The following PRKCE variants were observed in gnomAD, a reference collection of about 807,000 sequenced individuals.
PRKCE encodes protein kinase C epsilon type.
PRKCE carries 16 observed loss-of-function variants against 85.4 expected under a neutral mutation model. The observed-to-expected ratio is 0.19, with a 90% CI of 0.13 to 0.28. The LOEUF (loss-of-function observed/expected upper bound fraction) is 0.28. PRKCE is among the 10% of genes least tolerant of loss of function. PRKCE has a pLI of 1.00. For synonymous variants in PRKCE, 388 were observed against 371.5 expected (o/e 1.04, Z -0.51); for missense variants, 573 against 975.2 (o/e 0.59, Z 5.49).
intron 2 of PRKCE, among the ~76,000 whole-genome samples, chr2:45,958,131 G>T (rs1176705272): frequency 7.3e-6 from 1 of 137,564 alleles, no homozygotes. Context: ...TCAGAATTTA[G>T]TTCATTTAGA....
At chr2:45,897,818 C>T (rs1006822251) in intron 2 of PRKCE, among the ~76,000 whole-genome samples, 1 of 152,178 alleles carries the variant, frequency 6.6e-6, no homozygotes, top group Admixed American at 6.5e-5. Flanking sequence ...ATGGTTCTTC[C>T]TGAAACTCCA....
At chr2:45,898,748 T>C (rs573314178) in intron 2 of PRKCE, among the ~76,000 whole-genome samples, 4 of 152,232 alleles carry the variant, frequency 2.6e-5, no homozygotes, top group African/African-American at 9.6e-5. Context: ...TTGAATACTA[T>C]TGTAACCAGA....
chr2:45,743,403 A>T (rs1411496902), intron 1 of PRKCE, among the ~76,000 whole-genome samples: 1 of 152,088 alleles, frequency 6.6e-6, no homozygotes, highest in Non-Finnish European at 1.5e-5. Context: ...ATACCTCAAT[A>T]AAGTTGAAGA....
rs113999049 is a variant in PRKCE at position 45,783,045 on chromosome 2, G to A, written c.349-59955G>A. The stretch of plus-strand genomic sequence containing the variant: ...CAATTTATTTTCATGCGCCTTCCCC[G>A]TCCAAATTGGATTATGAATATAAAT... On this transcript the variant is annotated intron_variant, in intron 1 of 14. Coordinates refer to ENST00000306156, the MANE Select transcript of PRKCE (RefSeq NM_005400.3). 5.4e-3 allele frequency among the ~76,000 whole-genome samples: 821 copies of A among 152,212 alleles called. 5 individuals are homozygous for A. The highest frequency in any genetic ancestry group is 0.019 in the African/African-American group (769 of 41,506).
intron 1 of PRKCE, among the ~76,000 whole-genome samples, chr2:45,765,531 TG>T (rs1684844224): frequency 6.6e-6 from 1 of 152,278 alleles, no homozygotes; most frequent in African/African-American, 2.4e-5. Flanking sequence ...TTTTGTGGTT[TG>T]CTTCCAAAGT....
intron 2 of PRKCE, among the ~76,000 whole-genome samples, chr2:45,930,702 T>A (rs924414663): frequency 2.0e-5 from 3 of 152,198 alleles, no homozygotes; most frequent in Non-Finnish European, 4.4e-5. Flanking sequence ...AATGCCTCTG[T>A]TGTTTGTTTG....
intron 6 of PRKCE, 41 bp downstream of exon 6, chr2:45,984,721 C>T (rs748534786): frequency 1.5e-5 from 23 of 1,573,736 alleles, no homozygotes; most frequent in Non-Finnish European, 1.8e-5. Context: ...CTGCATGTCC[C>T]CTTCCTTGCT....
chr2:46,002,624 T>C (rs563676634), intron 7 of PRKCE, among the ~76,000 whole-genome samples: 1 of 152,346 alleles, frequency 6.6e-6, no homozygotes, highest in East Asian at 1.9e-4. Context: ...AAAAATTCTC[T>C]TCTCTCTGGT....
chr2:46,042,746 T>TCAAAAGCTCAGCTAGAGACCCC (rs1558386349), intron 10 of PRKCE, among the ~76,000 whole-genome samples: 1 of 152,208 alleles, frequency 6.6e-6, no homozygotes, highest in Non-Finnish European at 1.5e-5. Context: ...GTGCACACTC[T>TCAAAAGCTCAGCTAGAGACCCC]CAAAAGCTCA....
At chr2:45,708,512 G>T (rs956340118) in intron 1 of PRKCE, among the ~76,000 whole-genome samples, 6 of 152,196 alleles carry the variant, frequency 3.9e-5, no homozygotes, top group African/African-American at 1.4e-4. Context: ...CCCTGCACAA[G>T]CTCTCTCTCT....
intron 10 of PRKCE, chr2:46,010,719 A>G (rs750700176): frequency 5.6e-6 from 9 of 1,598,434 alleles, no homozygotes; most frequent in Non-Finnish European, 7.6e-6. Context: ...GTGCTTGTGA[A>G]GGGATGAGAG....
chr2:46,031,591 CGT>C (rs58684318), intron 10 of PRKCE, among the ~76,000 whole-genome samples: 6,109 of 143,998 alleles, frequency 0.042, 150 homozygotes, highest in South Asian at 0.076. Flanking sequence ...ACATTCTGCT[CGT>C]GTGTGTGTGT....
chr2:45,745,818 C>T (rs1192990152), intron 1 of PRKCE, among the ~76,000 whole-genome samples: 2 of 152,114 alleles, frequency 1.3e-5, no homozygotes, highest in African/African-American at 4.8e-5. Flanking sequence ...GTTCCAGTTT[C>T]TGTATTTCAG....
intron 11 of PRKCE, among the ~76,000 whole-genome samples, chr2:46,108,169 C>T (rs76634875): frequency 0.041 from 6,229 of 152,212 alleles, 417 homozygotes; most frequent in African/African-American, 0.14. Flanking sequence ...CTCAAGCAAC[C>T]GAAAGCTCTT....
intron 2 of PRKCE, among the ~76,000 whole-genome samples, chr2:45,970,640 A>G (rs1702048330): frequency 6.6e-6 from 1 of 152,156 alleles, no homozygotes; most frequent in Admixed American, 6.5e-5. Flanking sequence ...ATCAGAAACT[A>G]CAAAGGAAAC....
At chr2:45,716,687 AAG>A (rs1558589578) in intron 1 of PRKCE, among the ~76,000 whole-genome samples, 149 of 71,078 alleles carry the variant, frequency 2.1e-3, no homozygotes, top group East Asian at 5.3e-3. Flanking sequence ...GAAGAAGAAG[AAG>A]AGAAGGAAGG....
chr2:45,846,640 G>A (rs966255612), intron 2 of PRKCE, among the ~76,000 whole-genome samples: 1 of 152,198 alleles, frequency 6.6e-6, no homozygotes, highest in African/African-American at 2.4e-5. Flanking sequence ...GTTTCTTTCT[G>A]CAGCCACAGG....
At chr2:46,070,309 A>C (rs1384389118) in intron 10 of PRKCE, among the ~76,000 whole-genome samples, 1 of 152,196 alleles carries the variant, frequency 6.6e-6, no homozygotes, top group African/African-American at 2.4e-5. Flanking sequence ...CACATTTTTG[A>C]ATGTTAGCCT....
In PRKCE at chr2:45,793,219, C is replaced by G. The variant is rs549817752; in HGVS notation, c.349-49781C>G. Among the ~76,000 whole-genome samples, 16 of 152,316 alleles carry G rather than the reference C, an allele frequency of 1.1e-4. No individual in the cohort carries two copies. The East Asian group carries it at 1.7e-3, about 17-fold the overall frequency. On this transcript the variant is annotated intron_variant, in intron 1 of 14. Coordinates refer to ENST00000306156, the MANE Select transcript of PRKCE (RefSeq NM_005400.3). ...TGACTGAGAGAGAGCTGCAGAGGAGCCTTCCTATTTGTTGAATTTGGGCGA... is the reference window on the plus strand; with the variant it reads ...TGACTGAGAGAGAGCTGCAGAGGAGGCTTCCTATTTGTTGAATTTGGGCGA...
Sources: gnomAD v4.1 joint callset for allele counts (sites outside exome capture counted in the v4.1 genomes callset) on GRCh38, gnomAD v4.1.1 for gene constraint, MANE v1.5 for transcripts, NCBI Gene and HGNC (gene_info 2026-07-23, HGNC 2026-07-21) for gene names.